The following PCMTD1 variants were observed in gnomAD, a reference collection of about 807,000 sequenced individuals.
PCMTD1 encodes protein-L-isoaspartate O-methyltransferase domain-containing protein 1.
In PCMTD1, 12 loss-of-function variants were observed where a neutral mutation model predicts 37.6. The ratio of observed to expected loss-of-function variants is 0.32; its 90% CI spans 0.20 to 0.52. PCMTD1 has a LOEUF of 0.52. Ranked by LOEUF, PCMTD1 falls within the 20% of genes least tolerant of loss-of-function variation. The pLI, the probability that PCMTD1 is intolerant of heterozygous loss-of-function variation, is 0.97. For missense variants in PCMTD1, 235 were observed against 421.3 expected (o/e 0.56, Z 3.87); for synonymous variants, 117 against 135.8 (o/e 0.86, Z 0.96).
At chr8:51,854,374 G>C (rs961818122) in intron 2 of PCMTD1, among the ~76,000 whole-genome samples, 1 of 66,102 alleles carries the variant, frequency 1.5e-5, no homozygotes. Context: ...AAGTGAGAGG[G>C]GGAAAAAAAA....
chr8:51,873,004 C>A (rs1459979992), intron 1 of PCMTD1, among the ~76,000 whole-genome samples: 1 of 152,154 alleles, frequency 6.6e-6, no homozygotes, highest in Non-Finnish European at 1.5e-5. Context: ...CAAAGACATA[C>A]ACAGGTTAAC....
At chr8:51,848,057 G>A (rs1395816562) in intron 2 of PCMTD1, among the ~76,000 whole-genome samples, 1 of 151,812 alleles carries the variant, frequency 6.6e-6, no homozygotes, top group Admixed American at 6.6e-5. Context: ...TGCACTCTGG[G>A]CTGGGCAACA....
At chr8:51,867,574 A>G (rs1332037115) in intron 1 of PCMTD1, among the ~76,000 whole-genome samples, 1 of 151,736 alleles carries the variant, frequency 6.6e-6, no homozygotes, top group Non-Finnish European at 1.5e-5. Context: ...CATTATATAC[A>G]TATAAAATCC....
intron 1 of PCMTD1, among the ~76,000 whole-genome samples, chr8:51,883,242 C>G (rs2038817939): frequency 6.6e-6 from 1 of 151,940 alleles, no homozygotes; most frequent in African/African-American, 2.4e-5. Context: ...CCTATGAAAC[C>G]AAAAGTATTA....
intron 2 of PCMTD1, among the ~76,000 whole-genome samples, chr8:51,851,878 G>C (rs1254191839): frequency 6.6e-6 from 1 of 152,048 alleles, no homozygotes; most frequent in Non-Finnish European, 1.5e-5. Flanking sequence ...TCGAACTCCT[G>C]ACCTCAGGTG....
At chr8:51,891,699 T>TAC (rs1188326000) in intron 1 of PCMTD1, among the ~76,000 whole-genome samples, 1 of 144,866 alleles carries the variant, frequency 6.9e-6, no homozygotes, top group African/African-American at 2.5e-5. Flanking sequence ...TATATATGTA[T>TAC]ATATATATAT....
intron 1 of PCMTD1, among the ~76,000 whole-genome samples, chr8:51,898,477 A>G (rs1423960222): frequency 1.3e-5 from 2 of 151,608 alleles, no homozygotes; most frequent in Non-Finnish European, 1.5e-5. Flanking sequence ...CTCCAAAACC[A>G]AAACAGAAGT....
chr8:51,826,878 G>C (rs2037928539), intron 5 of PCMTD1: 1 of 859,148 alleles, frequency 1.2e-6, no homozygotes, highest in South Asian at 5.4e-5. Flanking sequence ...AAAGAAATAG[G>C]ATTTTTAAAT....
chr8:51,844,026 T>G (rs1030518485), intron 3 of PCMTD1, among the ~76,000 whole-genome samples: 3 of 152,184 alleles, frequency 2.0e-5, no homozygotes, highest in African/African-American at 7.2e-5. Flanking sequence ...AAACAAATAC[T>G]TAATAGCAAT....
At chr8:51,894,922 A>T (rs1439562534) in intron 1 of PCMTD1, among the ~76,000 whole-genome samples, 1 of 152,224 alleles carries the variant, frequency 6.6e-6, no homozygotes, top group Non-Finnish European at 1.5e-5. Context: ...CTTGCAAAAA[A>T]AGTTTAATTC....
chr8:51,820,873 G>A (rs1056970579), intron 5 of PCMTD1, among the ~76,000 whole-genome samples, 155 bp from the exon 6 acceptor site: 2 of 152,060 alleles, frequency 1.3e-5, no homozygotes, highest in Non-Finnish European at 2.9e-5. Flanking sequence ...AGGTTTTGGA[G>A]TAGTCATTAT....
chr8:51,837,174 G>C lies in PCMTD1; in HGVS notation c.411-3485C>G, dbSNP rs1180658035. 2.0e-5 allele frequency among the ~76,000 whole-genome samples: 3 copies of C among 152,004 alleles called. No individual in the cohort carries two copies. In the East Asian group the frequency reaches 5.8e-4, roughly 29 times the overall value. ...AACAAGTATAACTACTTCTATCTAA[G>C]GGAAATTATTAATACAAAGGATAAC... On this transcript the variant is annotated intron_variant, in intron 3 of 5. Coordinates refer to ENST00000522514, the MANE Select transcript of PCMTD1 (RefSeq NM_052937.4).
intron 5 of PCMTD1, chr8:51,826,859 A>T (rs1370881322): frequency 1.2e-5 from 10 of 836,332 alleles, no homozygotes; most frequent in African/African-American, 1.8e-5. Context: ...CCAAACAAAA[A>T]AACCACAGAA....
chr8:51,888,589 C>T (rs2038895784), intron 1 of PCMTD1, among the ~76,000 whole-genome samples: 4 of 152,104 alleles, frequency 2.6e-5, no homozygotes, highest in Admixed American at 2.6e-4. Flanking sequence ...AGTCTGAACT[C>T]ATAGCCTTTA....
intron 1 of PCMTD1, among the ~76,000 whole-genome samples, chr8:51,888,488 G>A (rs915493682): frequency 6.6e-6 from 1 of 152,000 alleles, no homozygotes; most frequent in African/African-American, 2.4e-5. Context: ...GGCACTAAAG[G>A]GTATGAAAAC....
intron 5 of PCMTD1, 59 bp from the exon 6 acceptor site, chr8:51,820,777 TTTA>T (rs1425435627): frequency 1.2e-4 from 167 of 1,349,760 alleles, no homozygotes; most frequent in Middle Eastern, 1.9e-4. Context: ...TTATCTATTG[TTTA>T]TTTTTTTCAT....
intron 2 of PCMTD1, among the ~76,000 whole-genome samples, chr8:51,856,951 A>T (rs2038398945): frequency 6.6e-6 from 1 of 152,212 alleles, no homozygotes; most frequent in African/African-American, 2.4e-5. Context: ...TGTACTCTTA[A>T]ATGAGTAAAC....
At chr8:51,877,508 T>C (rs2038729919) in intron 1 of PCMTD1, among the ~76,000 whole-genome samples, 1 of 152,214 alleles carries the variant, frequency 6.6e-6, no homozygotes. Flanking sequence ...GAACATAAAG[T>C]ACATTAATTT....
intron 1 of PCMTD1, among the ~76,000 whole-genome samples, chr8:51,884,175 G>A (rs76649221): frequency 0.11 from 16,602 of 152,168 alleles, 1,244 homozygotes; most frequent in East Asian, 0.17. Flanking sequence ...CAGTGTTAAA[G>A]CCTTATATTA....
Sources: gnomAD v4.1 joint callset for allele counts (sites outside exome capture counted in the v4.1 genomes callset) on GRCh38, gnomAD v4.1.1 for gene constraint, MANE v1.5 for transcripts, NCBI Gene and HGNC (gene_info 2026-07-23, HGNC 2026-07-21) for gene names.